Variants in CLEC16A observed in about 807,000 individuals in gnomAD.
CLEC16A encodes C-type lectin domain containing 16A.
A neutral mutation model predicts 109.5 loss-of-function variants in CLEC16A; 51 were observed. That is an observed-to-expected ratio of 0.47 (90% confidence interval 0.37 to 0.59). CLEC16A has a LOEUF of 0.59. Among genes scored for constraint, CLEC16A ranks in the 20% least tolerant of loss-of-function variants. CLEC16A has a pLI of 0.00. For synonymous variants in CLEC16A, 673 were observed against 564.2 expected (o/e 1.19, Z -2.73); for missense variants, 1,339 against 1,394.0 (o/e 0.96, Z 0.63).
intron 19 of CLEC16A, among the ~76,000 whole-genome samples, chr16:11,114,128 CGTGTGTGTGTGTGTGTGTGTGTGT>C (rs3030600): frequency 1.7e-4 from 22 of 127,326 alleles, no homozygotes; most frequent in South Asian, 5.8e-4. Context: ...TGAGGATGGC[CGTGTGTGTGTGTGTGTGTGTGTGT>C]GTGTGTGTGT....
intron 19 of CLEC16A, among the ~76,000 whole-genome samples, chr16:11,094,268 G>T (rs967667426): frequency 2.0e-5 from 3 of 152,186 alleles, no homozygotes; most frequent in African/African-American, 7.2e-5. Context: ...GGAAACTGAA[G>T]GGTAACATGA....
At chr16:11,121,529 G>A (rs1484135257) in intron 20 of CLEC16A, among the ~76,000 whole-genome samples, 1 of 151,964 alleles carries the variant, frequency 6.6e-6, no homozygotes, top group Non-Finnish European at 1.5e-5. Flanking sequence ...AACTTGCCAA[G>A]TACCAAGCTG....
At chr16:11,140,732 A>C (rs1359668958) in intron 22 of CLEC16A, among the ~76,000 whole-genome samples, 1 of 152,194 alleles carries the variant, frequency 6.6e-6, no homozygotes, top group East Asian at 1.9e-4. Flanking sequence ...GCCCAGGTGT[A>C]AGCCATTGTG....
intron 10 of CLEC16A, among the ~76,000 whole-genome samples, chr16:10,993,785 G>A (rs963201295): frequency 4.6e-5 from 7 of 152,178 alleles, no homozygotes; most frequent in Non-Finnish European, 8.8e-5. Context: ...GATTGAAGAG[G>A]CCTGTTCAAT....
At chr16:11,051,368 A>G (rs1322261028) in intron 17 of CLEC16A, 145 bp from the exon 18 acceptor site, 2 of 847,024 alleles carry the variant, frequency 2.4e-6, no homozygotes, top group South Asian at 1.8e-5. Context: ...TCTGTGCTTT[A>G]CTTCAATCTA....
chr16:11,023,261 G>A (rs549330383), intron 12 of CLEC16A, among the ~76,000 whole-genome samples: 15 of 151,970 alleles, frequency 9.9e-5, no homozygotes, highest in Admixed American at 7.2e-4. Flanking sequence ...TAAACAAAAC[G>A]CTTAATGGTT....
In CLEC16A at chr16:10,977,718, A is replaced by G. The variant is rs140427444; in HGVS notation, c.903+319A>G. Reference sequence around the variant, plus strand: ...TTGGAAGAGACGGCGGCATTTCACCATGTTGGTCAGGCTGGTCTCAAACTC... The same window carrying G: ...TTGGAAGAGACGGCGGCATTTCACCGTGTTGGTCAGGCTGGTCTCAAACTC... On this transcript the variant is annotated intron_variant, in intron 8 of 23. Transcript: ENST00000409790. Among the ~76,000 whole-genome samples, 17 of 152,168 alleles carry G rather than the reference A, an allele frequency of 1.1e-4. No individual in the cohort carries two copies. The East Asian group carries it at 3.3e-3, about 29-fold the overall frequency.
At chr16:10,974,696 C>A (rs531309941) in intron 7 of CLEC16A, among the ~76,000 whole-genome samples, 1 of 152,176 alleles carries the variant, frequency 6.6e-6, no homozygotes, top group Non-Finnish European at 1.5e-5. Flanking sequence ...CTAAAGGGAC[C>A]AGGGCAGACC....
intron 15 of CLEC16A, 26 bp from the exon 16 acceptor site, chr16:11,044,002 T>G (rs1465917614): frequency 6.3e-7 from 1 of 1,585,714 alleles, no homozygotes. Context: ...ACCTGCCTCC[T>G]TCACACCTTC....
chr16:11,032,930 G>T (rs1163349413), intron 13 of CLEC16A, among the ~76,000 whole-genome samples: 1 of 152,132 alleles, frequency 6.6e-6, no homozygotes, highest in Non-Finnish European at 1.5e-5. Flanking sequence ...ACAGTGATGT[G>T]GTCAGATGGA....
chr16:10,991,255 T>G (rs2043988097), intron 10 of CLEC16A, among the ~76,000 whole-genome samples: 1 of 149,848 alleles, frequency 6.7e-6, no homozygotes, highest in Non-Finnish European at 1.5e-5. Context: ...GTTGGGAAGG[T>G]GAGGTGGAAG....
At chr16:11,078,439 T>C (rs1001666510) in intron 19 of CLEC16A, among the ~76,000 whole-genome samples, 1 of 152,226 alleles carries the variant, frequency 6.6e-6, no homozygotes, top group African/African-American at 2.4e-5. Context: ...TAGTTCCCTC[T>C]AGGAACTCTC....
chr16:11,091,009 A>T (rs2050274731), intron 19 of CLEC16A, among the ~76,000 whole-genome samples: 1 of 152,018 alleles, frequency 6.6e-6, no homozygotes, highest in African/African-American at 2.4e-5. Context: ...TACGTTGCCC[A>T]GGCTAGTCTT....
chr16:10,998,087 C>T (rs2044436156), intron 10 of CLEC16A, among the ~76,000 whole-genome samples: 1 of 152,188 alleles, frequency 6.6e-6, no homozygotes, highest in African/African-American at 2.4e-5. Context: ...ACACAGATTC[C>T]TCCATTCCAT....
intron 19 of CLEC16A, among the ~76,000 whole-genome samples, chr16:11,077,471 CAA>C (rs562378755): frequency 3.1e-4 from 19 of 61,292 alleles, no homozygotes; most frequent in Non-Finnish European, 3.6e-4. Flanking sequence ...GACTCTGTCT[CAA>C]AAAAAAAAAA....
chr16:11,112,789 G>A (rs996079328), intron 19 of CLEC16A, among the ~76,000 whole-genome samples: 1 of 152,230 alleles, frequency 6.6e-6, no homozygotes, highest in African/African-American at 2.4e-5. Flanking sequence ...TTGGAACAAG[G>A]TTCCGCTAGG....
chr16:10,982,643 TC>T (rs1177659989), intron 9 of CLEC16A, among the ~76,000 whole-genome samples: 1 of 152,172 alleles, frequency 6.6e-6, no homozygotes, highest in Non-Finnish European at 1.5e-5. Flanking sequence ...TTAATGCACT[TC>T]CTTCCGAGGA....
chr16:11,124,103 C>G (rs372288933), intron 21 of CLEC16A, among the ~76,000 whole-genome samples, 157 bp downstream of exon 21: 26 of 152,330 alleles, frequency 1.7e-4, no homozygotes, highest in African/African-American at 6.3e-4. Flanking sequence ...GTTCCATTTC[C>G]TGGGTGTTTG....
intron 19 of CLEC16A, among the ~76,000 whole-genome samples, chr16:11,080,508 G>C (rs9652601): frequency 6.6e-6 from 1 of 152,054 alleles, no homozygotes; most frequent in South Asian, 2.1e-4. Flanking sequence ...TCAGTAGCCC[G>C]TGTCTGGAAC....
Sources: allele counts gnomAD v4.1 joint callset (sites outside exome capture counted in the v4.1 genomes callset), GRCh38; gene constraint gnomAD v4.1.1; transcripts MANE v1.5; gene names NCBI Gene and HGNC (gene_info 2026-07-23, HGNC 2026-07-21).